MAST2: variants seen among roughly 807,000 people sequenced by gnomAD.
MAST2 encodes the protein microtubule associated serine/threonine kinase 2.
In MAST2, 70 loss-of-function variants were observed where a neutral mutation model predicts 147.4. The observed-to-expected ratio is 0.47, with a 90% confidence interval of 0.39 to 0.58. The LOEUF (loss-of-function observed/expected upper bound fraction) is 0.58, where lower values mean the gene tolerates loss of function less well. MAST2 is among the 20% of genes least tolerant of loss of function. The pLI is 0.00. For synonymous variants in MAST2, 869 were observed against 896.8 expected (o/e 0.97, Z 0.55); for missense variants, 2,080 against 2,302.3 (o/e 0.90, Z 1.98).
Position 45,829,549 on chromosome 1 carries a change from G to T in MAST2, c.436G>T (p.Gly146Ter). The change falls in exon 3 of 29, where the codon GGA (glycine) becomes TGA (stop). Residue 146 changes from glycine to a stop codon, truncating the protein, a stop_gained. Transcript: ENST00000361297. LOFTEE classifies it high-confidence loss of function. Reference protein sequence around the residue: ...NLVRMRNQSLGQSAPSLTAGL... With the variant: ...NLVRMRNQSL ...GGTTCGAATGAGAAACCAGTCCCTT[G>T]GACAGTCTGCACCTTCTCTTACTGC... 6.2e-7 allele frequency: 1 copy of T among 1,614,134 alleles called. No individual in the cohort carries two copies. Among genetic ancestry groups the T allele is most frequent in the Admixed American group, 1.7e-5 (1 of 60,000 alleles).
intron 3 of MAST2, among the ~76,000 whole-genome samples, chr1:45,872,125 A>G (rs1325919269): frequency 2.0e-5 from 3 of 152,210 alleles, no homozygotes; most frequent in African/African-American, 7.2e-5. Context: ...TGTTTCTTAG[A>G]GTCTGTTAAT....
In MAST2 at chr1:46,006,402, G is replaced by T. The variant is rs1645487697; in HGVS notation, c.902+7G>T. 3 of 1,610,358 alleles carry T rather than the reference G, an allele frequency of 1.9e-6. No individual in the cohort carries two copies. The highest frequency in any genetic ancestry group is 1.3e-5 in the African/African-American group (1 of 74,870). ...CTCGCTCCCGGAGCCTCAGGTGAGGGTGCTCTCTGCCCACTGTTCCAGTGC... is the reference window on the plus strand; with the variant it reads ...CTCGCTCCCGGAGCCTCAGGTGAGGTTGCTCTCTGCCCACTGTTCCAGTGC... On this transcript the variant is annotated splice_region_variant and intron_variant, in intron 8 of 28. Transcript: ENST00000361297.
chr1:45,805,614 G>A (rs944293373), intron 1 of MAST2, among the ~76,000 whole-genome samples: 7 of 152,202 alleles, frequency 4.6e-5, no homozygotes, highest in East Asian at 1.9e-4. Context: ...ACCTTACTGC[G>A]TATTTCATGG....
intron 4 of MAST2, among the ~76,000 whole-genome samples, chr1:45,954,532 C>A (rs887219890): frequency 6.6e-6 from 1 of 152,184 alleles, no homozygotes; most frequent in African/African-American, 2.4e-5. Context: ...GCTCCGGGGG[C>A]TTCCAGGCTA....
chr1:45,987,777 A>ATTTTTTTTTTTTTTTTTTTTTTTTTGTT, intron 5 of MAST2, among the ~76,000 whole-genome samples: 14 of 21,784 alleles, frequency 6.4e-4, no homozygotes, highest in African/African-American at 8.4e-4. Flanking sequence ...TTTTTTTTTG[A>ATTTTTTTTTTTTTTTTTTTTTTTTTGTT]TTTTTTTTTT....
At chr1:46,034,511 T>C (rs974463955) in intron 28 of MAST2, 27 bp from the exon 29 acceptor site, 1 of 1,597,316 alleles carries the variant, frequency 6.3e-7, no homozygotes, top group Non-Finnish European at 8.6e-7. Context: ...TGCTTTTGTC[T>C]GTCTGTCTGT....
intron 4 of MAST2, among the ~76,000 whole-genome samples, chr1:45,938,800 A>G (rs541800997): frequency 1.3e-5 from 2 of 152,196 alleles, no homozygotes; most frequent in Admixed American, 1.3e-4. Context: ...ACATTTCCCT[A>G]ATGGGTAATG....
At chr1:45,951,591 CAAAA>C (rs1345865061) in intron 4 of MAST2, among the ~76,000 whole-genome samples, 3 of 150,348 alleles carry the variant, frequency 2.0e-5, no homozygotes, top group Non-Finnish European at 3.0e-5. Flanking sequence ...TCAAAACAAA[CAAAA>C]AAGAATATAA....
intron 5 of MAST2, among the ~76,000 whole-genome samples, chr1:45,963,333 G>A (rs978619238): frequency 1.3e-5 from 2 of 152,182 alleles, no homozygotes; most frequent in African/African-American, 4.8e-5. Flanking sequence ...GGGTGGCATT[G>A]AATCTATAAA....
intron 3 of MAST2, among the ~76,000 whole-genome samples, chr1:45,853,551 A>G (rs1645690543): frequency 6.6e-6 from 1 of 151,666 alleles, no homozygotes; most frequent in Non-Finnish European, 1.5e-5. Flanking sequence ...ACAGGTTTTT[A>G]CCATGTTGAC....
chr1:45,881,488 A>T, intron 3 of MAST2, among the ~76,000 whole-genome samples: 1 of 152,226 alleles, frequency 6.6e-6, no homozygotes. Flanking sequence ...AATTAAGAAT[A>T]GTTGTTAATT....
rs191187468 is a variant in MAST2 at position 45,841,562 on chromosome 1, T to G, written c.468+11981T>G. ...CACCATGCCTGGCTAATTTTTTGAC[T>G]TTTTTGTAGAGACAGGATTTCGCCA... On this transcript the variant is annotated intron_variant, in intron 3 of 28. Transcript: ENST00000361297. 5.1e-4 allele frequency among the ~76,000 whole-genome samples: 78 copies of G among 152,246 alleles called. 2 individuals are homozygous for G. The highest frequency in any genetic ancestry group is 1.9e-3 in the African/African-American group (77 of 41,536).
intron 3 of MAST2, among the ~76,000 whole-genome samples, chr1:45,864,819 A>C (rs1205640534): frequency 4.6e-5 from 7 of 152,220 alleles, no homozygotes; most frequent in African/African-American, 1.4e-4. Context: ...TACTTCAAAT[A>C]ATTTCAACCA....
intron 4 of MAST2, among the ~76,000 whole-genome samples, chr1:45,901,260 C>T (rs1387418280): frequency 6.6e-6 from 1 of 152,264 alleles, no homozygotes; most frequent in East Asian, 1.9e-4. Flanking sequence ...AATGGAGTGT[C>T]CTTTCCCCAT....
At chr1:45,846,080 A>G (rs1441422027) in intron 3 of MAST2, among the ~76,000 whole-genome samples, 1 of 151,802 alleles carries the variant, frequency 6.6e-6, no homozygotes, top group Admixed American at 6.6e-5. Context: ...GTTTCAAAAG[A>G]TAAATTAATT....
chr1:45,838,124 C>T (rs965472026), intron 3 of MAST2, among the ~76,000 whole-genome samples: 3 of 150,926 alleles, frequency 2.0e-5, no homozygotes, highest in Non-Finnish European at 4.4e-5. Flanking sequence ...GTGGGAGTTT[C>T]TCATTGTGGT....
intron 3 of MAST2, among the ~76,000 whole-genome samples, chr1:45,834,101 C>T (rs1645036469): frequency 6.6e-6 from 1 of 152,130 alleles, no homozygotes; most frequent in Non-Finnish European, 1.5e-5. Flanking sequence ...AATGTATTCT[C>T]TTTGGAGTAA....
At chr1:45,912,585 C>T (rs1651848528) in intron 4 of MAST2, among the ~76,000 whole-genome samples, 1 of 152,158 alleles carries the variant, frequency 6.6e-6, no homozygotes, top group Non-Finnish European at 1.5e-5. Context: ...TTGAACATTA[C>T]CCTAGAAAAA....
At chr1:45,904,423 C>T (rs976133667) in intron 4 of MAST2, among the ~76,000 whole-genome samples, 4 of 152,242 alleles carry the variant, frequency 2.6e-5, no homozygotes, top group Admixed American at 1.3e-4. Flanking sequence ...ATCCACCTGC[C>T]TTGGCCTCCC....
Sources: gnomAD v4.1 joint callset for allele counts (sites outside exome capture counted in the v4.1 genomes callset) on GRCh38, gnomAD v4.1.1 for gene constraint, MANE v1.5 for transcripts, NCBI Gene and HGNC (gene_info 2026-07-23, HGNC 2026-07-21) for gene names.